Variants in TBC1D2 observed in about 807,000 individuals in gnomAD.
TBC1D2 encodes TBC1 domain family member 2, also known as TBC1 domain family member 2A.
Under a neutral mutation model 91.1 loss-of-function variants are expected in TBC1D2, and 58 were observed. The observed-to-expected ratio is 0.64, with a 90% CI of 0.52 to 0.79. The LOEUF (loss-of-function observed/expected upper bound fraction) is 0.79, where lower values mean the gene tolerates loss of function less well. Among genes scored for constraint, TBC1D2 ranks in the 30% least tolerant of loss-of-function variants. The pLI, the probability that TBC1D2 is intolerant of heterozygous loss-of-function variation, is 0.00. For synonymous variants in TBC1D2, 482 were observed against 511.5 expected (o/e 0.94, Z 0.78); for missense variants, 1,080 against 1,208.3 (o/e 0.89, Z 1.57).
chr9:98,221,347 G>A, intron 5 of TBC1D2, 119 bp from the exon 6 acceptor site: 1 of 1,245,530 alleles, frequency 8.0e-7, no homozygotes, highest in Non-Finnish European at 1.1e-6. Context: ...CAGCATCCCT[G>A]CGGCATCTCA....
chr9:98,203,703 T>C (rs1388182325), intron 9 of TBC1D2, among the ~76,000 whole-genome samples: 1 of 152,164 alleles, frequency 6.6e-6, no homozygotes, highest in African/African-American at 2.4e-5. Flanking sequence ...CTTGGGCAAG[T>C]TACTGAACCC....
intron 7 of TBC1D2, among the ~76,000 whole-genome samples, chr9:98,211,234 T>C (rs956615080): frequency 6.6e-6 from 1 of 152,228 alleles, no homozygotes; most frequent in Admixed American, 6.5e-5. Flanking sequence ...CCTGAGGATT[T>C]GGGTGAGGAT....
chr9:98,253,683 T>A (rs1829915547), intron 1 of TBC1D2, among the ~76,000 whole-genome samples: 2 of 152,292 alleles, frequency 1.3e-5, no homozygotes, highest in South Asian at 4.1e-4. Flanking sequence ...CACCTATTTC[T>A]TCTTTCAAGC....
rs1829713038 is a variant in TBC1D2, at chr9:98,244,149, A to C, written c.512-20T>G. 2 of 1,612,128 alleles carry C rather than the reference A, an allele frequency of 1.2e-6. No homozygotes were observed. The highest frequency in any genetic ancestry group is 2.2e-5 in the South Asian group (2 of 90,588). On this transcript the variant is annotated intron_variant, in intron 2 of 12. Coordinates refer to ENST00000465784, the MANE Select transcript of TBC1D2 (RefSeq NM_001267571.2). ...CTTGCCCTGGGAACAAAGAAAAGGG[A>C]AATCCATCAGCTGGGTCACTGCACT...
At chr9:98,225,263 G>C (rs1417422243) in intron 5 of TBC1D2, among the ~76,000 whole-genome samples, 2 of 152,230 alleles carry the variant, frequency 1.3e-5, no homozygotes, top group Admixed American at 1.3e-4. Context: ...TCAACTCCAA[G>C]GGTCAGTCCC....
intron 3 of TBC1D2, among the ~76,000 whole-genome samples, chr9:98,235,793 G>C (rs1456915361): frequency 6.6e-6 from 1 of 152,154 alleles, no homozygotes; most frequent in African/African-American, 2.4e-5. Flanking sequence ...CCAGCACTTT[G>C]GGAGGCTGAG....
intron 2 of TBC1D2, among the ~76,000 whole-genome samples, chr9:98,244,719 A>G (rs554312894): frequency 2.9e-4 from 44 of 151,160 alleles, no homozygotes; most frequent in Non-Finnish European, 4.9e-4. Context: ...CTGAGAGTCC[A>G]TCCTAAAGAT....
Position 98,251,768 on chromosome 9 carries a change from G to T in TBC1D2, c.511+17C>A. On this transcript the variant is annotated intron_variant, in intron 2 of 12. Coordinates refer to ENST00000465784, the MANE Select transcript of TBC1D2 (RefSeq NM_001267571.2). The stretch of plus-strand genomic sequence containing the variant: ...AGAGCCCTGGGTGTGCAGGCAGGAG[G>T]GTAGCCCATTGGGTACCTAGCTCGA... 2 of 1,569,614 alleles carry T rather than the reference G, an allele frequency of 1.3e-6. No individual in the cohort carries two copies. The highest frequency in any genetic ancestry group is 1.7e-6 in the Non-Finnish European group (2 of 1,159,930).
rs753455224 is a variant in TBC1D2 at position 98,232,342 on chromosome 9, G to GTTT, written c.781+1071_781+1073dup. On this transcript the variant is annotated intron_variant, in intron 4 of 12. Transcript: ENST00000465784. ...TTTCTTTTCTTCTTTCTCTTTTTCT[G>GTTT]TTTTTTTTTTTGACAGTGTCTCACT... is the stretch of plus-strand genomic sequence containing the variant. Among the ~76,000 whole-genome samples, 5 of 86,778 alleles carry GTTT rather than the reference G, an allele frequency of 5.8e-5. No homozygotes were observed. In the East Asian group the frequency reaches 1.2e-3, roughly 21 times the overall value. The allele number at this position is 86,778 out of a possible 152,430, so 56.9% of individuals were successfully genotyped here.
chr9:98,203,786 A>G (rs1162430100), intron 9 of TBC1D2, among the ~76,000 whole-genome samples: 2 of 152,142 alleles, frequency 1.3e-5, no homozygotes, highest in African/African-American at 4.8e-5. Flanking sequence ...TGCCCCACAC[A>G]GTGCCTGCCA....
At chr9:98,241,439 A>G (rs535713426) in intron 3 of TBC1D2, among the ~76,000 whole-genome samples, 9 of 152,332 alleles carry the variant, frequency 5.9e-5, no homozygotes, top group Non-Finnish European at 4.4e-5. Context: ...ACAAGGGTGT[A>G]GGACACAAAG....
chr9:98,199,647 G>C (rs547469835), intron 12 of TBC1D2, 59 bp from the exon 13 acceptor site: 1 of 1,576,454 alleles, frequency 6.3e-7, no homozygotes, highest in South Asian at 1.1e-5. Context: ...GCGTTTACCC[G>C]GCTCTCCCAG....
chr9:98,255,047 G>A, intron 1 of TBC1D2, 126 bp downstream of exon 1: 1 of 1,461,030 alleles, frequency 6.8e-7, no homozygotes, highest in Non-Finnish European at 9.1e-7. Context: ...AAAGCACAAA[G>A]TTCTTGGAAC....
rs541303829 is a variant in TBC1D2 at position 98,200,585 on chromosome 9, G to A, written c.2458-211C>T. Among the ~76,000 whole-genome samples the A allele has an allele frequency of 7.2e-5, 11 of 152,294 alleles. No individual in the cohort carries two copies. The East Asian group carries it at 1.5e-3, about 21-fold the overall frequency. On this transcript the variant is annotated intron_variant, in intron 11 of 12. Coordinates refer to ENST00000465784, the MANE Select transcript of TBC1D2 (RefSeq NM_001267571.2). ...GTGGTGGGGGGGCGGGGGAAGGGAC[G>A]CACAGCTTGAAATCTGGGGATTTGG... is the stretch of plus-strand genomic sequence containing the variant.
chr9:98,235,065 G>A (rs1221949734), intron 3 of TBC1D2, among the ~76,000 whole-genome samples: 2 of 152,168 alleles, frequency 1.3e-5, no homozygotes, highest in South Asian at 2.1e-4. Context: ...TTAGCCGGGC[G>A]TGGTGGCGCA....
intron 6 of TBC1D2, among the ~76,000 whole-genome samples, chr9:98,217,187 T>A (rs1312452259): frequency 6.6e-6 from 1 of 152,204 alleles, no homozygotes; most frequent in Non-Finnish European, 1.5e-5. Context: ...AGTGCTCGTC[T>A]TGGCTCAGAA....
At position 98,229,931 on chromosome 9, in the gene TBC1D2, G is replaced by A. The variant is rs150703891; in HGVS notation, c.782-783C>T. On this transcript the variant is annotated intron_variant, in intron 4 of 12. Transcript: ENST00000465784. ...GAAACCCTATGGCCCACAAAGCCTC[G>A]AATCGTTACTATCTTGCTCTTTACA... is the stretch of plus-strand genomic sequence containing the variant. Among the ~76,000 whole-genome samples, 116 of 152,254 alleles carry A rather than the reference G, an allele frequency of 7.6e-4. 1 individual carries two copies. The highest frequency in any genetic ancestry group is 2.6e-3 in the African/African-American group (107 of 41,536).
chr9:98,202,938 T>G (rs556197755), intron 10 of TBC1D2, among the ~76,000 whole-genome samples: 25 of 152,238 alleles, frequency 1.6e-4, no homozygotes, highest in Non-Finnish European at 3.5e-4. Context: ...ACCTTCTGCT[T>G]CTCCTGGCCT....
chr9:98,230,367 T>A (rs1219447500), intron 4 of TBC1D2, among the ~76,000 whole-genome samples: 1 of 152,258 alleles, frequency 6.6e-6, no homozygotes, highest in Non-Finnish European at 1.5e-5. Flanking sequence ...TTTTGTAGGA[T>A]CGTAAATTGA....
Sources: allele counts gnomAD v4.1 joint callset (sites outside exome capture counted in the v4.1 genomes callset), GRCh38; gene constraint gnomAD v4.1.1; transcripts MANE v1.5; gene names NCBI Gene and HGNC (gene_info 2026-07-23, HGNC 2026-07-21).